Variants in RBFOX1 observed in about 807,000 individuals in gnomAD.
RBFOX1 encodes the protein RNA binding protein fox-1 homolog 1.
In RBFOX1, 8 loss-of-function variants were observed where a neutral mutation model predicts 57.7. The observed-to-expected ratio is 0.14, with a 90% CI of 0.08 to 0.25. The LOEUF (loss-of-function observed/expected upper bound fraction) is 0.25. Ranked by LOEUF, RBFOX1 falls within the 10% of genes least tolerant of loss-of-function variation. The pLI is 1.00. For missense variants in RBFOX1, 611 were observed against 548.5 expected, an observed-to-expected ratio of 1.11 and a Z score of -1.14; for synonymous variants, 326 against 222.4, an observed-to-expected ratio of 1.47 and a Z score of -4.15.
chr16:6,627,746 G>C (rs924515420), intron 2 of RBFOX1, among the ~76,000 whole-genome samples: 2 of 152,202 alleles, frequency 1.3e-5, no homozygotes, highest in Non-Finnish European at 2.9e-5. Context: ...GCCGGAGGGA[G>C]GGTGGAGATT....
At chr16:7,311,642 T>C (rs1038742822) in intron 4 of RBFOX1, among the ~76,000 whole-genome samples, 3 of 152,150 alleles carry the variant, frequency 2.0e-5, no homozygotes, top group African/African-American at 7.2e-5. Context: ...CCTGCTCTTA[T>C]GGAAAGGTTG....
intron 3 of RBFOX1, among the ~76,000 whole-genome samples, chr16:6,893,205 A>G (rs953260095): frequency 1.3e-5 from 2 of 152,120 alleles, no homozygotes; most frequent in African/African-American, 4.8e-5. Flanking sequence ...GAAATGGACA[A>G]GCTCACAGGG....
At chr16:6,017,364 A>G (rs191070377), upstream of RBFOX1, among the ~76,000 whole-genome samples, 66 of 152,320 alleles carry the variant, frequency 4.3e-4, no homozygotes, top group African/African-American at 1.5e-3. Context: ...TACCTCTTTT[A>G]CAACCCATCT....
chr16:7,186,125 T>A (rs1220862540), intron 4 of RBFOX1, among the ~76,000 whole-genome samples: 1 of 151,846 alleles, frequency 6.6e-6, no homozygotes, highest in East Asian at 1.9e-4. Flanking sequence ...TGTACAACCA[T>A]TGTAAAGGAG....
chr16:6,736,067 C>T lies in RBFOX1; in HGVS notation c.-16+81417C>T, dbSNP rs1468366784. On this transcript the variant is annotated intron_variant, in intron 3 of 15. Transcript: ENST00000550418. Reference sequence around the variant, plus strand: ...TACCCCAATATTTTTCTGATCTATCCAGTATTACACAATTTTTGTTCAAAT... The same window carrying T: ...TACCCCAATATTTTTCTGATCTATCTAGTATTACACAATTTTTGTTCAAAT... 4.3e-5 allele frequency among the ~76,000 whole-genome samples: 3 copies of T among 69,332 alleles called. No individual in the cohort carries two copies. The South Asian group carries it at 2.2e-3, about 51-fold the overall frequency. 45.5% of individuals were successfully genotyped at this position (69,332 alleles called of 152,430 possible).
At chr16:5,363,734 T>A (rs953674803) in intron 1 of RBFOX1, among the ~76,000 whole-genome samples, 3 of 152,202 alleles carry the variant, frequency 2.0e-5, no homozygotes, top group African/African-American at 7.2e-5. Context: ...TGTCCTTGGG[T>A]TGGGGACTAC....
rs550741366 is a variant in RBFOX1 at position 6,718,726 on chromosome 16, T to C, written c.-16+64076T>C. Among the ~76,000 whole-genome samples the C allele has an allele frequency of 2.0e-5, 3 of 152,306 alleles. No individual in the cohort carries two copies. In the South Asian group the frequency reaches 6.2e-4, roughly 32 times the overall value. ...CTGGTTGTTGAAAAGTGTGTACCAC[T>C]CACTGAAGGTAACCATAGTAACAGC... On this transcript the variant is annotated intron_variant, in intron 3 of 15. Transcript: ENST00000550418.
intron 4 of RBFOX1, among the ~76,000 whole-genome samples, chr16:7,116,306 G>T (rs968568797): frequency 4.6e-5 from 7 of 152,114 alleles, no homozygotes; most frequent in African/African-American, 1.7e-4. Flanking sequence ...GAAAGCCTAG[G>T]AGTAAAGGAA....
chr16:5,355,466 G>A (rs924148738), intron 1 of RBFOX1, among the ~76,000 whole-genome samples: 26 of 152,170 alleles, frequency 1.7e-4, no homozygotes, highest in African/African-American at 4.6e-4. Flanking sequence ...GGGTCAGGAG[G>A]CACCTTTGCT....
intron 3 of RBFOX1, among the ~76,000 whole-genome samples, chr16:6,796,140 G>T (rs1056662619): frequency 1.3e-5 from 2 of 151,876 alleles, no homozygotes; most frequent in African/African-American, 2.4e-5. Context: ...TGAAAGGTAT[G>T]TCTCACATGG....
chr16:5,332,320 T>C (rs894759205), intron 1 of RBFOX1, among the ~76,000 whole-genome samples: 1 of 152,144 alleles, frequency 6.6e-6, no homozygotes. Flanking sequence ...CAGGCTGGAG[T>C]GCAGTGGTGT....
intron 3 of RBFOX1, among the ~76,000 whole-genome samples, chr16:5,865,193 A>G (rs936189166): frequency 5.9e-5 from 9 of 152,206 alleles, no homozygotes; most frequent in Non-Finnish European, 8.8e-5. Context: ...GCTGTTGAAT[A>G]TCATATTTCC....
chr16:7,578,178 A>T (rs568900013), intron 5 of RBFOX1, among the ~76,000 whole-genome samples: 1 of 152,346 alleles, frequency 6.6e-6, no homozygotes, highest in African/African-American at 2.4e-5. Context: ...AATACATACC[A>T]GGAACTTGGC....
chr16:5,412,996 C>T (rs140402363), intron 1 of RBFOX1, among the ~76,000 whole-genome samples: 4 of 152,200 alleles, frequency 2.6e-5, no homozygotes, highest in African/African-American at 9.6e-5. Flanking sequence ...GCTGGCCGTG[C>T]CTTCCTGGTG....
intron 2 of RBFOX1, among the ~76,000 whole-genome samples, chr16:6,636,813 A>T (rs1448222931): frequency 2.0e-4 from 9 of 44,248 alleles, no homozygotes; most frequent in East Asian, 7.7e-4. Flanking sequence ...TATAATATAT[A>T]ATATATAATA....
chr16:6,850,430 G>T (rs999912236), intron 3 of RBFOX1, among the ~76,000 whole-genome samples: 159 of 152,206 alleles, frequency 1.0e-3, no homozygotes, highest in African/African-American at 3.6e-3. Context: ...TCAAGCTGAG[G>T]GGTAAAGGAT....
rs188851992 is a variant in RBFOX1, at chr16:7,548,513, G to C, written c.270+30124G>C. The stretch of plus-strand genomic sequence containing the variant: ...GACACTGAGCACTGGGAATACAGAG[G>C]TGAATGGCACCTACTCCATCCCTCA... On this transcript the variant is annotated intron_variant, in intron 5 of 15. Coordinates refer to ENST00000550418, the MANE Select transcript of RBFOX1 (RefSeq NM_018723.4). 6.0e-4 allele frequency among the ~76,000 whole-genome samples: 91 copies of C among 152,310 alleles called. 1 individual carries two copies. The highest frequency in any genetic ancestry group is 2.1e-3 in the African/African-American group (89 of 41,560).
chr16:5,389,465 A>G (rs2151415491), intron 1 of RBFOX1, among the ~76,000 whole-genome samples: 1 of 151,928 alleles, frequency 6.6e-6, no homozygotes, highest in African/African-American at 2.4e-5. Context: ...CAGTTGTGAA[A>G]CCCCAAATGT....
intron 3 of RBFOX1, among the ~76,000 whole-genome samples, chr16:6,901,732 A>G (rs1463881236): frequency 6.6e-6 from 1 of 152,212 alleles, no homozygotes; most frequent in African/African-American, 2.4e-5. Flanking sequence ...GCTTATTTGA[A>G]GTAAATACTG....
Sources: allele counts gnomAD v4.1 joint callset (sites outside exome capture counted in the v4.1 genomes callset), GRCh38; gene constraint gnomAD v4.1.1; transcripts MANE v1.5; gene names NCBI Gene and HGNC (gene_info 2026-07-23, HGNC 2026-07-21).